The following TENM3 variants were observed in gnomAD, a reference collection of about 807,000 sequenced individuals.
TENM3 encodes teneurin-3.
In TENM3, 63 loss-of-function variants were observed where a neutral mutation model predicts 255.1. The observed-to-expected ratio is 0.25, with a 90% CI of 0.20 to 0.30. The LOEUF (loss-of-function observed/expected upper bound fraction) is 0.30, where lower values mean the gene tolerates loss of function less well. Among genes scored for constraint, TENM3 ranks in the 10% least tolerant of loss-of-function variants. TENM3 has a pLI of 1.00. For synonymous variants in TENM3, 1,306 were observed against 1,322.3 expected, an observed-to-expected ratio of 0.99 and a Z score of 0.27; for missense variants, 2,929 against 3,461.1, an observed-to-expected ratio of 0.85 and a Z score of 3.86.
At chr4:181,573,826 CCCTCTATGTG>C in the TENM3 span, among the ~76,000 whole-genome samples, 1 of 152,128 alleles carries the variant, frequency 6.6e-6, no homozygotes, top group African/African-American at 2.4e-5. Context: ...CCTATTCACA[CCCTCTATGTG>C]CTGAGCAAAC....
chr4:182,085,573 C>G, the TENM3 span, among the ~76,000 whole-genome samples: 1 of 152,134 alleles, frequency 6.6e-6, no homozygotes, highest in Admixed American at 6.5e-5. Flanking sequence ...ATGTGCCTAT[C>G]TATTAATATT....
intron 3 of TENM3, among the ~76,000 whole-genome samples, chr4:182,433,938 G>C (rs1018883738): frequency 1.3e-5 from 2 of 152,138 alleles, no homozygotes; most frequent in South Asian, 2.1e-4. Context: ...AACATAGTGG[G>C]AACCCACCTC....
chr4:181,473,700 C>T, the TENM3 span, among the ~76,000 whole-genome samples: 8 of 143,486 alleles, frequency 5.6e-5, no homozygotes, highest in South Asian at 2.4e-4. Context: ...TATGGGTTGC[C>T]CTTTTTCAAT....
chr4:182,793,822 T>G lies in TENM3; in HGVS notation c.7150T>G (p.Leu2384Val). 6.2e-7 allele frequency: 1 copy of G among 1,613,860 alleles called. No homozygotes were observed. The change falls in exon 26 of 28, where the codon TTG (leucine) becomes GTG (valine). Residue 2384 changes from leucine (L) to valine (V), a missense_variant. Leu to Val is a conservative substitution (Grantham distance 32, BLOSUM62 1). This residue lies in a region of TENM3 where 476 missense variants were observed against 480.1 expected (regional missense o/e 0.99). Coordinates refer to ENST00000511685, the MANE Select transcript of TENM3 (RefSeq NM_001080477.4). This position sits in a 1 kb window ranked among gnomAD's most constrained non-coding sequence, Gnocchi z 5.7. ...RIGKDPAPFNLYMFRNNNPAS... is the reference protein window; with the variant it reads ...RIGKDPAPFNVYMFRNNNPAS... ...TGGGAAGGACCCAGCTCCTTTTAAC[T>G]TGTACATGTTTAGGAATAACAACCC...
chr4:182,209,705 G>A (rs1754855525), intron 1 of TENM3, among the ~76,000 whole-genome samples: 2 of 152,146 alleles, frequency 1.3e-5, no homozygotes, highest in African/African-American at 4.8e-5. Flanking sequence ...GGGCTTGGGA[G>A]TACAGTAGCT....
chr4:182,304,764 T>C (rs1352524632), intron 1 of TENM3, among the ~76,000 whole-genome samples: 1 of 152,156 alleles, frequency 6.6e-6, no homozygotes, highest in African/African-American at 2.4e-5. Flanking sequence ...GAGTTGAATC[T>C]GAAACGGGAA....
the TENM3 span, among the ~76,000 whole-genome samples, chr4:181,626,611 T>A: frequency 6.6e-6 from 1 of 151,960 alleles, no homozygotes; most frequent in South Asian, 2.1e-4. Flanking sequence ...CCAGATCTCA[T>A]GAGAACTCAG....
the TENM3 span, among the ~76,000 whole-genome samples, chr4:181,550,888 C>G: frequency 6.6e-6 from 1 of 152,160 alleles, no homozygotes; most frequent in Non-Finnish European, 1.5e-5. Flanking sequence ...CTCCTGCAAA[C>G]TACCCATACT....
intron 5 of TENM3, among the ~76,000 whole-genome samples, chr4:182,633,367 C>T (rs541529718): frequency 6.0e-4 from 91 of 152,344 alleles, no homozygotes; most frequent in African/African-American, 2.1e-3. Context: ...TCTAGACGCT[C>T]ATAGTCAAGT....
At chr4:181,973,155 AT>A in the TENM3 span, among the ~76,000 whole-genome samples, 1 of 152,194 alleles carries the variant, frequency 6.6e-6, no homozygotes, top group Admixed American at 6.5e-5. Flanking sequence ...ATAATAATTT[AT>A]TTTTAGATCC....
the TENM3 span, among the ~76,000 whole-genome samples, chr4:181,604,057 C>G: frequency 0.015 from 2,251 of 152,200 alleles, 37 homozygotes; most frequent in South Asian, 0.065. Context: ...GACGTCAAGA[C>G]ATCGAGACCA....
At chr4:182,773,418 C>A in intron 22 of TENM3, 54 bp from the exon 23 acceptor site, 1 of 1,460,628 alleles carries the variant, frequency 6.8e-7, no homozygotes, top group African/African-American at 1.4e-5. Context: ...ATTTATAAGT[C>A]AGAAGAAACT....
chr4:182,532,798 T>TA (rs1739907884), intron 3 of TENM3, among the ~76,000 whole-genome samples: 1 of 152,196 alleles, frequency 6.6e-6, no homozygotes, highest in South Asian at 2.1e-4. Context: ...TCATTTTCTT[T>TA]AAAAAATGAA....
chr4:181,786,143 C>A, the TENM3 span, among the ~76,000 whole-genome samples: 8 of 152,224 alleles, frequency 5.3e-5, no homozygotes, highest in Non-Finnish European at 1.2e-4. Context: ...AGAGAAAAAA[C>A]AATCTGATAG....
intron 1 of TENM3, among the ~76,000 whole-genome samples, chr4:182,210,618 GT>G (rs58035061): frequency 0.083 from 11,017 of 132,026 alleles, 345 homozygotes; most frequent in East Asian, 0.13. Flanking sequence ...CCCCTCTCTA[GT>G]TTTTTTTTTT....
intron 3 of TENM3, among the ~76,000 whole-genome samples, chr4:182,461,214 A>ATCT (rs1774298783): frequency 6.6e-6 from 1 of 152,196 alleles, no homozygotes; most frequent in Admixed American, 6.5e-5. Context: ...GCATCACCTG[A>ATCT]TCTTCTCTCT....
At chr4:181,797,371 C>T in the TENM3 span, among the ~76,000 whole-genome samples, 694 of 152,188 alleles carry the variant, frequency 4.6e-3, 8 homozygotes, top group African/African-American at 0.016. Flanking sequence ...CCAGGTAGGG[C>T]TCCCGAGACC....
At chr4:181,679,743 C>G in the TENM3 span, among the ~76,000 whole-genome samples, 4 of 152,000 alleles carry the variant, frequency 2.6e-5, no homozygotes, top group African/African-American at 9.7e-5. Context: ...TGTATTATTG[C>G]GACTGAATTA....
chr4:181,874,062 C>T, the TENM3 span, among the ~76,000 whole-genome samples: 3 of 152,020 alleles, frequency 2.0e-5, no homozygotes, highest in Non-Finnish European at 2.9e-5. Flanking sequence ...GGATTACAGG[C>T]GTGAGCCACC....
Sources: gnomAD v4.1 joint callset for allele counts (sites outside exome capture counted in the v4.1 genomes callset) on GRCh38, gnomAD v4.1.1 for gene constraint, gnomAD v4.1.1 regional missense constraint, Gnocchi (gnomAD v3.1) non-coding constraint, MANE v1.5 for transcripts, NCBI Gene and HGNC (gene_info 2026-07-23, HGNC 2026-07-21) for gene names.